Variants in DPP6 observed in about 807,000 individuals in gnomAD.
The protein encoded by DPP6 is A-type potassium channel modulatory protein DPP6.
In DPP6, 69 loss-of-function variants were observed where a neutral mutation model predicts 122.6. The observed-to-expected ratio is 0.56, with a 90% CI of 0.46 to 0.69. DPP6 has a LOEUF of 0.69. Ranked by LOEUF, DPP6 falls within the 30% of genes least tolerant of loss-of-function variation. The probability of loss-of-function intolerance (pLI) is 0.00; values close to 1 mark genes in which losing one functional copy is unlikely to be tolerated. For missense variants in DPP6, 928 were observed against 1,116.9 expected, an observed-to-expected ratio of 0.83 and a Z score of 2.41; for synonymous variants, 418 against 433.1, an observed-to-expected ratio of 0.97 and a Z score of 0.43.
chr7:153,806,151 G>A, the DPP6 span, among the ~76,000 whole-genome samples: 1 of 151,690 alleles, frequency 6.6e-6, no homozygotes, highest in South Asian at 2.1e-4. Flanking sequence ...TTGGGGACAG[G>A]GAGAAATGAG....
At chr7:154,071,956 C>T (rs906087720) in intron 1 of DPP6, among the ~76,000 whole-genome samples, 25 of 152,156 alleles carry the variant, frequency 1.6e-4, no homozygotes, top group African/African-American at 6.0e-4. Context: ...AATACAATCC[C>T]CCTAGTAGCT....
intron 1 of DPP6, among the ~76,000 whole-genome samples, chr7:154,011,877 C>G (rs1448388209): frequency 6.6e-6 from 1 of 152,200 alleles, no homozygotes; most frequent in Non-Finnish European, 1.5e-5. Flanking sequence ...AACATTCCTA[C>G]TATCACAGAA....
At chr7:153,914,589 G>A (rs991465631) in intron 1 of DPP6, among the ~76,000 whole-genome samples, 1 of 152,184 alleles carries the variant, frequency 6.6e-6, no homozygotes, top group Non-Finnish European at 1.5e-5. Flanking sequence ...CATATTTAGA[G>A]TTGTGCTACC....
At chr7:154,588,826 T>C (rs942617057) in intron 5 of DPP6, among the ~76,000 whole-genome samples, 1 of 152,120 alleles carries the variant, frequency 6.6e-6, no homozygotes, top group Admixed American at 6.5e-5. Flanking sequence ...ACATTTTCTC[T>C]ATTAATGAGC....
At chr7:154,166,960 A>C (rs1300066034) in intron 1 of DPP6, among the ~76,000 whole-genome samples, 1 of 148,838 alleles carries the variant, frequency 6.7e-6, no homozygotes, top group Non-Finnish European at 1.5e-5. Flanking sequence ...ACACCACTGC[A>C]CTCCAGCCTG....
At chr7:153,778,747 C>T in the DPP6 span, among the ~76,000 whole-genome samples, 53,031 of 151,524 alleles carry the variant, frequency 0.35, 9,971 homozygotes, top group South Asian at 0.48. Context: ...AAATGTGAAA[C>T]GGAGCAGCTA....
intron 2 of DPP6, among the ~76,000 whole-genome samples, chr7:154,465,079 A>G (rs1821667678): frequency 6.6e-6 from 1 of 152,254 alleles, no homozygotes; most frequent in Non-Finnish European, 1.5e-5. Context: ...ACTCTCTTTC[A>G]AAATAATCTC....
the DPP6 span, among the ~76,000 whole-genome samples, chr7:153,848,804 CTTT>C: frequency 6.6e-6 from 1 of 152,092 alleles, no homozygotes; most frequent in Non-Finnish European, 1.5e-5. Flanking sequence ...TGCTTTTTAT[CTTT>C]TTATTTCTAT....
At chr7:153,933,139 C>G (rs1359795064) in intron 1 of DPP6, among the ~76,000 whole-genome samples, 2 of 152,184 alleles carry the variant, frequency 1.3e-5, no homozygotes, top group East Asian at 1.9e-4. Flanking sequence ...ATTACCCAGT[C>G]TCAAGTATTT....
intron 10 of DPP6, among the ~76,000 whole-genome samples, chr7:154,780,607 A>AGTCACTGGGCTGGTGAGCCAGT (rs1281202438): frequency 1.3e-5 from 2 of 152,256 alleles, no homozygotes; most frequent in Non-Finnish European, 2.9e-5. Context: ...GCCAAGGCAG[A>AGTCACTGGGCTGGTGAGCCAGT]GTCACTGGGC....
chr7:153,934,175 G>T (rs558569885), intron 1 of DPP6, among the ~76,000 whole-genome samples: 1 of 152,126 alleles, frequency 6.6e-6, no homozygotes, highest in Non-Finnish European at 1.5e-5. Context: ...CTAATTTGAA[G>T]CACCTTTTGT....
intron 1 of DPP6, among the ~76,000 whole-genome samples, chr7:153,904,990 G>A (rs1799789904): frequency 6.6e-6 from 1 of 152,230 alleles, no homozygotes; most frequent in Non-Finnish European, 1.5e-5. Context: ...TGTGGAAATA[G>A]GATTGGCACA....
At chr7:153,828,632 T>C in the DPP6 span, among the ~76,000 whole-genome samples, 1 of 152,232 alleles carries the variant, frequency 6.6e-6, no homozygotes, top group South Asian at 2.1e-4. Flanking sequence ...AATATGGAAA[T>C]AGGTATGCAA....
At chr7:154,642,601 CAAAACAAAAA>C (rs1836176789) in intron 6 of DPP6, among the ~76,000 whole-genome samples, 1 of 149,288 alleles carries the variant, frequency 6.7e-6, no homozygotes, top group African/African-American at 2.5e-5. Context: ...AAAAACAAAA[CAAAACAAAAA>C]AATTAGTGCC....
chr7:154,076,429 G>A (rs551244496), intron 1 of DPP6, among the ~76,000 whole-genome samples: 2 of 151,732 alleles, frequency 1.3e-5, no homozygotes, highest in African/African-American at 4.8e-5. Context: ...CAGCCTGGGT[G>A]ACGAGGGCAA....
chr7:154,801,038 G>C (rs1010949748), intron 12 of DPP6, among the ~76,000 whole-genome samples: 1 of 151,732 alleles, frequency 6.6e-6, no homozygotes, highest in Non-Finnish European at 1.5e-5. Flanking sequence ...CAGAGTTCCT[G>C]TTCTCACTGG....
the DPP6 span, among the ~76,000 whole-genome samples, chr7:153,866,664 T>C: frequency 6.6e-6 from 1 of 152,208 alleles, no homozygotes; most frequent in East Asian, 1.9e-4. Context: ...TTAGATCCCA[T>C]TTGTCAATTT....
At chr7:154,423,311 T>A (rs1038176993) in intron 1 of DPP6, among the ~76,000 whole-genome samples, 3 of 152,176 alleles carry the variant, frequency 2.0e-5, no homozygotes, top group African/African-American at 7.2e-5. Context: ...AGTCATGTGA[T>A]AATGTCGGTG....
At chr7:154,635,434 C>T (rs1274752394) in intron 5 of DPP6, among the ~76,000 whole-genome samples, 1 of 152,230 alleles carries the variant, frequency 6.6e-6, no homozygotes, top group Non-Finnish European at 1.5e-5. Flanking sequence ...AGGAATTTAT[C>T]TGTTTGCTTT....
Sources: allele counts gnomAD v4.1 joint callset (sites outside exome capture counted in the v4.1 genomes callset), GRCh38; gene constraint gnomAD v4.1.1; transcripts MANE v1.5; gene names NCBI Gene and HGNC (gene_info 2026-07-23, HGNC 2026-07-21).